The following INPP4B variants were observed in gnomAD, a reference collection of about 807,000 sequenced individuals.
The protein encoded by INPP4B is inositol polyphosphate 4-phosphatase type II.
A neutral mutation model predicts 122.5 loss-of-function variants in INPP4B; 55 were observed. That is an observed-to-expected ratio of 0.45 (90% CI 0.36 to 0.56). The LOEUF (loss-of-function observed/expected upper bound fraction) is 0.56. Ranked by LOEUF, INPP4B falls within the 20% of genes least tolerant of loss-of-function variation. The pLI, the probability that INPP4B is intolerant of heterozygous loss-of-function variation, is 0.00. For synonymous variants in INPP4B, 403 were observed against 388.7 expected (o/e 1.04, Z -0.43); for missense variants, 1,000 against 1,097.7 (o/e 0.91, Z 1.26).
intron 5 of INPP4B, among the ~76,000 whole-genome samples, chr4:142,425,543 T>G (rs1359141908): frequency 1.3e-5 from 2 of 151,958 alleles, no homozygotes; most frequent in East Asian, 3.9e-4. Context: ...CTATTATGTG[T>G]CATTTCAATG....
chr4:142,444,525 G>T (rs979058925), intron 3 of INPP4B, among the ~76,000 whole-genome samples: 2 of 151,970 alleles, frequency 1.3e-5, no homozygotes, highest in Non-Finnish European at 2.9e-5. Flanking sequence ...TGGAGAGGAT[G>T]AAGAAAAATT....
chr4:142,457,110 A>T (rs976037667), intron 3 of INPP4B, among the ~76,000 whole-genome samples: 4 of 152,040 alleles, frequency 2.6e-5, no homozygotes, highest in African/African-American at 7.2e-5. Flanking sequence ...AGAACAAAAA[A>T]ACACATTTCA....
At chr4:142,792,210 G>A (rs1448207646) in intron 1 of INPP4B, among the ~76,000 whole-genome samples, 1 of 151,908 alleles carries the variant, frequency 6.6e-6, no homozygotes, top group Non-Finnish European at 1.5e-5. Context: ...CAATGATGGT[G>A]CCTCCAGCCT....
intron 2 of INPP4B, among the ~76,000 whole-genome samples, chr4:142,566,503 G>A (rs1190350707): frequency 6.6e-6 from 1 of 152,134 alleles, no homozygotes; most frequent in Non-Finnish European, 1.5e-5. Context: ...TTCAAAGAAG[G>A]GAGTTCTGTT....
chr4:142,240,373 A>G (rs1286195015), intron 11 of INPP4B, among the ~76,000 whole-genome samples: 1 of 151,876 alleles, frequency 6.6e-6, no homozygotes, highest in African/African-American at 2.4e-5. Flanking sequence ...TCTTCAATGC[A>G]CTCTGAATAT....
intron 1 of INPP4B, among the ~76,000 whole-genome samples, chr4:142,742,799 A>T (rs893837409): frequency 1.3e-5 from 2 of 151,994 alleles, no homozygotes; most frequent in African/African-American, 2.4e-5. Context: ...ATAACTATTT[A>T]AAGTAATCAT....
At chr4:142,295,244 A>G (rs1304948746) in intron 9 of INPP4B, among the ~76,000 whole-genome samples, 1 of 152,208 alleles carries the variant, frequency 6.6e-6, no homozygotes, top group Non-Finnish European at 1.5e-5. Context: ...AGAAACAGTG[A>G]GTATTTTTCC....
At chr4:142,096,067 A>T (rs964437631) in intron 23 of INPP4B, 1 of 152,200 alleles carries the variant, frequency 6.6e-6, no homozygotes, top group Non-Finnish European at 1.5e-5. Context: ...CAGGCATTGA[A>T]AACACTAAAT....
intron 2 of INPP4B, among the ~76,000 whole-genome samples, chr4:142,579,749 C>T (rs1290917854): frequency 1.3e-5 from 2 of 151,532 alleles, no homozygotes; most frequent in African/African-American, 4.8e-5. Flanking sequence ...AAACTCTTAG[C>T]TCTCTTGTGT....
rs1046352697 is a variant in INPP4B, at chr4:142,272,860, T to C, written c.504-2086A>G. Among the ~76,000 whole-genome samples, 5 of 152,072 alleles carry C rather than the reference T, an allele frequency of 3.3e-5. No homozygotes were observed. The East Asian group carries it at 9.6e-4, about 29-fold the overall frequency. ...TTATCTATAAAAACTAAACACGTTT[T>C]TCTTCTCAAAAGGCTTGTTTTAAAC... On this transcript the variant is annotated intron_variant, in intron 9 of 25. Coordinates refer to ENST00000262992, the MANE Select transcript of INPP4B (RefSeq NM_001101669.3).
intron 2 of INPP4B, among the ~76,000 whole-genome samples, chr4:142,515,713 G>A (rs1220143410): frequency 1.3e-5 from 2 of 152,164 alleles, no homozygotes; most frequent in Admixed American, 6.5e-5. Flanking sequence ...ATATGTGTAA[G>A]GATATGATGT....
At chr4:142,068,782 C>G (rs1276805153) in intron 25 of INPP4B, among the ~76,000 whole-genome samples, 3 of 152,204 alleles carry the variant, frequency 2.0e-5, no homozygotes, top group Non-Finnish European at 4.4e-5. Context: ...GAAGAGCTAA[C>G]TATCTTAAAT....
chr4:142,316,494 C>T (rs1767733016), intron 7 of INPP4B, among the ~76,000 whole-genome samples: 2 of 151,894 alleles, frequency 1.3e-5, no homozygotes, highest in African/African-American at 4.8e-5. Flanking sequence ...GTTTGTTATA[C>T]TACATATATA....
intron 2 of INPP4B, among the ~76,000 whole-genome samples, chr4:142,513,344 G>A (rs1474766280): frequency 6.6e-6 from 1 of 152,016 alleles, no homozygotes; most frequent in Non-Finnish European, 1.5e-5. Context: ...CAGGAGATTT[G>A]GTGTCTGGTA....
intron 7 of INPP4B, among the ~76,000 whole-genome samples, chr4:142,386,382 C>T (rs1270525279): frequency 1.3e-5 from 2 of 152,138 alleles, no homozygotes; most frequent in Non-Finnish European, 2.9e-5. Flanking sequence ...ATACTGATTT[C>T]AATTTCTTTG....
chr4:142,116,455 A>T (rs12639889), intron 21 of INPP4B, among the ~76,000 whole-genome samples: 18,924 of 152,146 alleles, frequency 0.12, 1,333 homozygotes, highest in East Asian at 0.24. Context: ...AAATTATAAC[A>T]AACTGTCTCT....
intron 2 of INPP4B, among the ~76,000 whole-genome samples, chr4:142,655,537 A>G (rs912816171): frequency 1.3e-5 from 2 of 152,212 alleles, no homozygotes; most frequent in Admixed American, 6.5e-5. Context: ...AGGCACCTGA[A>G]TGAATTATAT....
chr4:142,068,357 G>A (rs1250991162), intron 25 of INPP4B, among the ~76,000 whole-genome samples: 1 of 152,140 alleles, frequency 6.6e-6, no homozygotes, highest in Non-Finnish European at 1.5e-5. Context: ...GGAACAATCA[G>A]TACCAGCCAC....
chr4:142,115,265 A>T (rs1327133860), intron 21 of INPP4B, among the ~76,000 whole-genome samples: 1 of 152,192 alleles, frequency 6.6e-6, no homozygotes, highest in African/African-American at 2.4e-5. Flanking sequence ...GAACGTCCCA[A>T]ATCTAGCAAG....
Sources: allele counts gnomAD v4.1 joint callset (sites outside exome capture counted in the v4.1 genomes callset), GRCh38; gene constraint gnomAD v4.1.1; transcripts MANE v1.5; gene names NCBI Gene and HGNC (gene_info 2026-07-23, HGNC 2026-07-21).